Variants in MUC5AC observed in about 807,000 individuals in gnomAD.
The protein encoded by MUC5AC is mucin-5AC.
A neutral mutation model predicts 169.7 loss-of-function variants in MUC5AC; 158 were observed. The observed-to-expected ratio is 0.93, with a 90% confidence interval of 0.82 to 1.06. The LOEUF (loss-of-function observed/expected upper bound fraction) is 1.06. Ranked by LOEUF, MUC5AC falls within the 50% of genes least tolerant of loss-of-function variation. The pLI is 0.00. For missense variants in MUC5AC, 4,359 were observed against 3,089.9 expected (o/e 1.41, Z -9.74); for synonymous variants, 1,975 against 1,237.0 (o/e 1.60, Z -12.52).
rs767682534 is a variant in MUC5AC at position 1,192,797 on chromosome 11, C to A, written c.14395C>A (p.Arg4799Ser). ...RLYPAGSTIY[R>S]HRDLAGHCYY... ...TCCTCTTACAGGATCCACCATATAC[C>A]GCCACAGAGACCTCGCTGGCCATTG... The change falls in exon 32 of 49, where the codon CGC becomes AGC. Residue 4799 changes from arginine to serine, a missense_variant. Physicochemically the swap from Arg to Ser is moderately radical, Grantham distance 110 (BLOSUM62 -1). Coordinates refer to ENST00000621226, the MANE Select transcript of MUC5AC (RefSeq NM_001304359.2). 1.3e-6 allele frequency: 1 copy of A among 760,800 alleles called. No homozygotes were observed. Among genetic ancestry groups the A allele is most frequent in the Non-Finnish European group, 2.4e-6 (1 of 414,514 alleles). 47.1% of individuals were successfully genotyped at this position (760,800 alleles called of 1,614,324 possible). A position where few individuals can be genotyped will look rare whatever the true frequency, so the allele number is the denominator to read the frequency against.
At chr11:1,174,470 T>A in intron 16 of MUC5AC, 26 bp from the exon 17 acceptor site, 2 of 1,401,876 alleles carry the variant, frequency 1.4e-6, no homozygotes, top group Non-Finnish European at 1.9e-6. Flanking sequence ...GGGTCTCTGA[T>A]GCCCCGATGA....
chr11:1,198,850 G>A, intron 43 of MUC5AC, 24 bp from the exon 44 acceptor site: 1 of 716,390 alleles, frequency 1.4e-6, no homozygotes, highest in Non-Finnish European at 2.5e-6. Context: ...GCTCATGAGT[G>A]TCTGCTGCCC....
Position 1,175,263 on chromosome 11 carries a change from C to T in MUC5AC, c.2394C>T (p.Pro798=), listed in dbSNP as rs1431533031. The T allele has an allele frequency of 5.0e-5, 20 of 398,600 alleles. No homozygotes were observed. The highest frequency in any genetic ancestry group is 1.6e-4 in the African/African-American group (8 of 48,622). 24.7% of individuals were successfully genotyped at this position (398,600 alleles called of 1,614,324 possible). A position where few individuals can be genotyped will look rare whatever the true frequency, so the allele number is the denominator to read the frequency against. Residue 798 remains proline, a synonymous_variant, in exon 19 of 49, where the codon CCC becomes CCT. Transcript: ENST00000621226. ...GKLSCIGGQA[P]APVCAAPMVF... ...TGAGCTGCATCGGAGGCCAAGCCCCCGCCCCAGGTGAGTGCCAGAAAGGAG... is the reference window on the plus strand; with the variant it reads ...TGAGCTGCATCGGAGGCCAAGCCCCTGCCCCAGGTGAGTGCCAGAAAGGAG...
chr11:1,179,285 C>T (rs1590142508), intron 26 of MUC5AC, 37 bp downstream of exon 26: 5 of 510,646 alleles, frequency 9.8e-6, no homozygotes, highest in Admixed American at 9.4e-5. Context: ...GAACAGGAAG[C>T]GCCGGCAGCG....
intron 12 of MUC5AC, 70 bp downstream of exon 12, chr11:1,168,057 G>A: frequency 7.5e-7 from 1 of 1,338,478 alleles, no homozygotes; most frequent in Non-Finnish European, 1.0e-6. Flanking sequence ...AGTCACCTCT[G>A]CCCAAGCCCT....
chr11:1,194,946 CCCAGCTGGGGGTGGGG>C, intron 35 of MUC5AC, 50 bp from the exon 36 acceptor site: 2 of 656,654 alleles, frequency 3.0e-6, no homozygotes, highest in South Asian at 3.3e-5. Context: ...GGTCCTGTCC[CCCAGCTGGGGGTGGGG>C]CCAGCCGGCT....
intron 43 of MUC5AC, among the ~76,000 whole-genome samples, chr11:1,198,506 G>A (rs538645625): frequency 2.1e-4 from 32 of 150,658 alleles, no homozygotes; most frequent in Admixed American, 9.9e-4. Context: ...CTACACCCTG[G>A]CCTGCCTGGC....
chr11:1,186,734 C>G lies in MUC5AC; in HGVS notation c.8589C>G (p.Val2863=). The change falls in exon 31 of 49, where the codon GTC becomes GTG. Residue 2863 remains valine, a synonymous_variant. Transcript: ENST00000621226. ...TSAPTTRTTS[V]PTSSTTSTAT... The stretch of plus-strand genomic sequence containing the variant: ...CCCCTACAACCAGAACAACCTCTGT[C>G]CCTACAAGCAGCACAACCTCCACTG... 1 of 727,654 alleles carries G rather than the reference C, an allele frequency of 1.4e-6. No individual in the cohort carries two copies. Among genetic ancestry groups the G allele is most frequent in the East Asian group, 2.6e-5 (1 of 39,112 alleles). 45.1% of individuals were successfully genotyped at this position (727,654 alleles called of 1,614,324 possible).
rs118192937 is a variant in MUC5AC at position 1,177,018 on chromosome 11, C to T, written c.2745C>T (p.Asp915=). The part of the protein sequence containing the change: ...VYGDGHYLTF[D]GQSYSFNGDC... ...GGGACGGCCACTACCTCACCTTCGACGGACAGAGCTACAGCTTCAACGGAG... is the reference window on the plus strand; with the variant it reads ...GGGACGGCCACTACCTCACCTTCGATGGACAGAGCTACAGCTTCAACGGAG... The change falls in exon 22 of 49, where the codon GAC becomes GAT. Residue 915 remains aspartate (D), a synonymous_variant. Transcript: ENST00000621226. 0.018 allele frequency: 7,102 copies of T among 398,968 alleles called. 97 individuals carry two copies. Among genetic ancestry groups the T allele is most frequent in the Non-Finnish European group, 0.023 (5,276 of 226,280 alleles). 24.7% of individuals were successfully genotyped at this position (398,968 alleles called of 1,614,324 possible). A position where few individuals can be genotyped will look rare whatever the true frequency, so the allele number is the denominator to read the frequency against.
At position 1,197,342 on chromosome 11, in the gene MUC5AC, T is replaced by G; in HGVS notation, c.15862-126T>G. The G allele has an allele frequency of 4.8e-6, 3 of 629,912 alleles. No homozygotes were observed. The South Asian group carries it at 5.3e-5, about 11-fold the overall frequency. 39.0% of individuals were successfully genotyped at this position (629,912 alleles called of 1,614,324 possible). A position where few individuals can be genotyped will look rare whatever the true frequency, so the allele number is the denominator to read the frequency against. On this transcript the variant is annotated intron_variant, in intron 40 of 48. Transcript: ENST00000621226. ...TGCACTTTTGAAGCCCTACTCCTGC[T>G]GGGTCCTCAGTGCAGGCCACACGGC... is the stretch of plus-strand genomic sequence containing the variant.
In MUC5AC at chr11:1,186,521, T is replaced by G. The variant is rs1314424108; in HGVS notation, c.8376T>G (p.Pro2792=). 1 of 696,594 alleles carries G rather than the reference T, an allele frequency of 1.4e-6. No individual in the cohort carries two copies. The highest frequency in any genetic ancestry group is 2.6e-6 in the Non-Finnish European group (1 of 381,424). 43.2% of individuals were successfully genotyped at this position (696,594 alleles called of 1,614,324 possible). A position where few individuals can be genotyped will look rare whatever the true frequency, so the allele number is the denominator to read the frequency against. ...CTACAACCAGCACAACTTTGTCTCC[T>G]ACAACCAGCACAACCTCTACTACTA... ...SAPTTSTTLS[P]TTSTTSTTIT... Residue 2792 remains proline (P), a synonymous_variant, in exon 31 of 49, where the codon CCT becomes CCG. Transcript: ENST00000621226.
Position 1,191,333 on chromosome 11 carries a change from C to A in MUC5AC, c.13188C>A (p.Ala4396=), listed in dbSNP as rs1292198170. 0.039 allele frequency: 22,382 copies of A among 574,934 alleles called. 643 individuals carry two copies. Among genetic ancestry groups the A allele is most frequent in the Non-Finnish European group, 0.049 (14,458 of 293,322 alleles). The allele number at this position is 574,934 out of a possible 1,614,324, so 35.6% of individuals were successfully genotyped here. Residue 4396 remains alanine, a synonymous_variant, in exon 31 of 49, where the codon GCC becomes GCA. Coordinates refer to ENST00000621226, the MANE Select transcript of MUC5AC (RefSeq NM_001304359.2). ...TSAPTTRTTS[A]STASTTSGPG... ...CTCCTACAACCAGAACAACCTCTGC[C>A]TCTACAGCCAGCACAACCTCTGGTC...
In MUC5AC at chr11:1,184,488, A is replaced by C. The variant is rs1365388725; in HGVS notation, c.6343A>C (p.Asn2115His). 5 of 640,816 alleles carry C rather than the reference A, an allele frequency of 7.8e-6. No homozygotes were observed. The African/African-American group carries it at 9.0e-5, about 12-fold the overall frequency. 39.7% of individuals were successfully genotyped at this position (640,816 alleles called of 1,614,324 possible). ...QGTHTTPVTR[N>H]CHPRCTWTTW... ...CACCCACACCACACCAGTCACCAGA[A>C]ACTGTCATCCCCGGTGCACCTGGAC... Residue 2115 changes from asparagine to histidine, a missense_variant, in exon 31 of 49, where the codon AAC becomes CAC. Transcript: ENST00000621226.
In MUC5AC at chr11:1,192,808, C is replaced by A. The variant is rs1861158483; in HGVS notation, c.14406C>A (p.Asp4802Glu). ...GATCCACCATATACCGCCACAGAGACCTCGCTGGCCATTGCTATTATGCCC... is the reference window on the plus strand; with the variant it reads ...GATCCACCATATACCGCCACAGAGAACTCGCTGGCCATTGCTATTATGCCC... ...PAGSTIYRHR[D>E]LAGHCYYALC... The change falls in exon 32 of 49, where the codon GAC becomes GAA. Residue 4802 changes from aspartate to glutamate, a missense_variant. By Grantham distance (45) the Asp-to-Glu change is conservative. Transcript: ENST00000621226. 1.3e-6 allele frequency: 1 copy of A among 762,686 alleles called. No homozygotes were observed. Among genetic ancestry groups the A allele is most frequent in the South Asian group, 1.3e-5 (1 of 74,578 alleles). The allele number at this position is 762,686 out of a possible 1,614,324, so 47.2% of individuals were successfully genotyped here.
Position 1,176,567 on chromosome 11 carries a change from C to T in MUC5AC, c.2556C>T (p.Asp852=), listed in dbSNP as rs879048299. 60,688 of 399,708 alleles carry T rather than the reference C, an allele frequency of 0.15. 5,711 individuals carry two copies. Among genetic ancestry groups the T allele is most frequent in the Non-Finnish European group, 0.2 (44,306 of 226,908 alleles). The allele number at this position is 399,708 out of a possible 1,614,324, so 24.8% of individuals were successfully genotyped here. A position where few individuals can be genotyped will look rare whatever the true frequency, so the allele number is the denominator to read the frequency against. ...GCVCPDGLVA[D]GEGGCITAED... Reference sequence around the variant, plus strand: ...TGTGCCCCGACGGGCTGGTGGCGGACGGCGAGGGCGGCTGCATCACTGCGG... The same window carrying T: ...TGTGCCCCGACGGGCTGGTGGCGGATGGCGAGGGCGGCTGCATCACTGCGG... The change falls in exon 21 of 49, where the codon GAC becomes GAT. Residue 852 remains aspartate, a synonymous_variant. Transcript: ENST00000621226.
rs368148451 is a variant in MUC5AC at position 1,193,560 on chromosome 11, C to T, written c.14656C>T (p.Arg4886Cys). ...EGNNVISLRP[R>C]TCPRVEKPTC... is the part of the protein sequence containing the mutation. ...CAACAACGTCATCTCCCTGCGCCCG[C>T]GCACGTGCCCGAGGGTGGAGAAGCC... The change falls in exon 33 of 49, where the codon CGC (arginine) becomes TGC (cysteine). Residue 4886 changes from arginine (R) to cysteine (C), a missense_variant. Coordinates refer to ENST00000621226, the MANE Select transcript of MUC5AC (RefSeq NM_001304359.2). 3.7e-4 allele frequency: 284 copies of T among 764,570 alleles called. No individual in the cohort carries two copies. Among genetic ancestry groups the T allele is most frequent in the Admixed American group, 5.9e-4 (35 of 58,956 alleles). The allele number at this position is 764,570 out of a possible 1,614,324, so 47.4% of individuals were successfully genotyped here.
At chr11:1,178,885 GGGGGTGTTA>G (rs1860746874) in intron 25 of MUC5AC, among the ~76,000 whole-genome samples, 198 bp from the exon 26 acceptor site, 1 of 152,194 alleles carries the variant, frequency 6.6e-6, no homozygotes, top group South Asian at 2.1e-4. Context: ...CGGGGCCCTG[GGGGGTGTTA>G]ACCCCAAGGG....
Position 1,193,553 on chromosome 11 carries a change from G to C in MUC5AC, c.14649G>C (p.Leu4883=). ...GTGAGGGCAACAACGTCATCTCCCT[G>C]CGCCCGCGCACGTGCCCGAGGGTGG... ...ATCEGNNVIS[L]RPRTCPRVEK... Residue 4883 remains leucine (L), a synonymous_variant, in exon 33 of 49, where the codon CTG becomes CTC. Coordinates refer to ENST00000621226, the MANE Select transcript of MUC5AC (RefSeq NM_001304359.2). 4 of 763,890 alleles carry C rather than the reference G, an allele frequency of 5.2e-6. No homozygotes were observed. Among genetic ancestry groups the C allele is most frequent in the Non-Finnish European group, 9.6e-6 (4 of 417,416 alleles). 47.3% of individuals were successfully genotyped at this position (763,890 alleles called of 1,614,324 possible). A position where few individuals can be genotyped will look rare whatever the true frequency, so the allele number is the denominator to read the frequency against.
chr11:1,168,828 C>G, intron 14 of MUC5AC, 34 bp from the exon 15 acceptor site: 2 of 1,577,666 alleles, frequency 1.3e-6, no homozygotes, highest in Non-Finnish European at 1.7e-6. Context: ...CTGGCCAGGG[C>G]GCATGGTCCT....
Sources: allele counts gnomAD v4.1 joint callset (sites outside exome capture counted in the v4.1 genomes callset), GRCh38; gene constraint gnomAD v4.1.1; transcripts MANE v1.5; gene names NCBI Gene and HGNC (gene_info 2026-07-23, HGNC 2026-07-21).